The following ARHGEF10L variants were observed in gnomAD, a reference collection of about 807,000 sequenced individuals.
ARHGEF10L encodes Rho guanine nucleotide exchange factor 10 like, also known as rho guanine nucleotide exchange factor 10-like protein.
ARHGEF10L carries 69 observed loss-of-function variants against 141.2 expected under a neutral mutation model. The observed-to-expected ratio is 0.49, with a 90% CI of 0.40 to 0.60. ARHGEF10L has a LOEUF of 0.60. ARHGEF10L is among the 20% of genes least tolerant of loss of function. ARHGEF10L has a pLI of 0.00. For missense variants in ARHGEF10L, 1,482 were observed against 1,734.3 expected, an observed-to-expected ratio of 0.85 and a Z score of 2.58; for synonymous variants, 711 against 718.5, an observed-to-expected ratio of 0.99 and a Z score of 0.17.
chr1:17,677,263 C>T (rs2063781757), intron 26 of ARHGEF10L, among the ~76,000 whole-genome samples: 1 of 152,004 alleles, frequency 6.6e-6, no homozygotes. Flanking sequence ...TAAATGAATC[C>T]AGAGAAACAA....
intron 1 of ARHGEF10L, among the ~76,000 whole-genome samples, chr1:17,547,122 G>GA (rs904965312): frequency 6.6e-6 from 1 of 152,210 alleles, no homozygotes; most frequent in African/African-American, 2.4e-5. Context: ...ATATGCTATG[G>GA]AAAATGGGGA....
intron 25 of ARHGEF10L, among the ~76,000 whole-genome samples, chr1:17,660,207 G>A (rs1192320389): frequency 6.6e-6 from 1 of 152,334 alleles, no homozygotes; most frequent in East Asian, 1.9e-4. Flanking sequence ...GCCACGCCTT[G>A]GGTGGGGATG....
At chr1:17,557,031 C>CT (rs1241534903) in intron 1 of ARHGEF10L, among the ~76,000 whole-genome samples, 1 of 135,756 alleles carries the variant, frequency 7.4e-6, no homozygotes, top group African/African-American at 2.7e-5. Flanking sequence ...GACTCCATCT[C>CT]TTAAAAAAAA....
chr1:17,672,515 G>A (rs2063389259), intron 26 of ARHGEF10L, among the ~76,000 whole-genome samples: 1 of 152,166 alleles, frequency 6.6e-6, no homozygotes. Flanking sequence ...AGAGCATGCA[G>A]GGTCTCGCGT....
Position 17,627,232 on chromosome 1 carries a change from C to A in ARHGEF10L, c.1411-98C>A. ...GCCTCAGGCCGGGCCCTTTGCAGAC[C>A]CAGTGTGTGTAGGGGGTTGCGCAGG... is the stretch of plus-strand genomic sequence containing the variant. On this transcript the variant is annotated intron_variant, in intron 14 of 28. Coordinates refer to ENST00000361221, the MANE Select transcript of ARHGEF10L (RefSeq NM_018125.4). The surrounding 1 kb of genome is among the most constrained non-coding windows in gnomAD (Gnocchi z 4.0). The A allele has an allele frequency of 6.8e-7, 1 of 1,460,768 alleles. No individual in the cohort carries two copies. Among genetic ancestry groups the A allele is most frequent in the South Asian group, 1.3e-5 (1 of 75,226 alleles). The allele number at this position is 1,460,768 out of a possible 1,614,324, so 90.5% of individuals were successfully genotyped here. A position where few individuals can be genotyped will look rare whatever the true frequency, so the allele number is the denominator to read the frequency against.
intron 7 of ARHGEF10L, among the ~76,000 whole-genome samples, chr1:17,612,502 T>C (rs758414170): frequency 6.6e-6 from 1 of 152,306 alleles, no homozygotes; most frequent in African/African-American, 2.4e-5. Flanking sequence ...ATGAGCCTGT[T>C]CGTCTACCCA....
intron 1 of ARHGEF10L, among the ~76,000 whole-genome samples, chr1:17,548,646 CTTTTTTTT>C (rs892480738): frequency 2.3e-5 from 2 of 88,326 alleles, no homozygotes; most frequent in Non-Finnish European, 4.3e-5. Flanking sequence ...CAAAATAATT[CTTTTTTTT>C]TTTTTTTTTT....
intron 1 of ARHGEF10L, among the ~76,000 whole-genome samples, chr1:17,568,711 G>A (rs890154022): frequency 3.3e-5 from 5 of 152,214 alleles, no homozygotes; most frequent in Admixed American, 1.3e-4. Flanking sequence ...CTGGTTCCTC[G>A]TAAGTCGCAC....
intron 1 of ARHGEF10L, among the ~76,000 whole-genome samples, chr1:17,571,580 C>A (rs2078001782): frequency 6.6e-6 from 1 of 152,152 alleles, no homozygotes; most frequent in Admixed American, 6.5e-5. Context: ...GTCACCCCAG[C>A]TGGAGTGCAG....
chr1:17,559,049 T>C (rs926984395), intron 1 of ARHGEF10L, among the ~76,000 whole-genome samples: 1 of 152,056 alleles, frequency 6.6e-6, no homozygotes, highest in African/African-American at 2.4e-5. Flanking sequence ...AGCAGAATGA[T>C]GTGGGGAGAG....
Position 17,656,005 on chromosome 1 carries a change from C to G in ARHGEF10L, c.2608C>G (p.Leu870Val), listed in dbSNP as rs375283102. Residue 870 changes from leucine to valine, a missense_variant, in exon 24 of 29, where the codon CTG (leucine) becomes GTG (valine). By Grantham distance (32) the Leu-to-Val change is conservative. This residue lies in a region of ARHGEF10L where 858 missense variants were observed against 966.3 expected (regional missense o/e 0.89). Transcript: ENST00000361221. The surrounding 1 kb of genome is among the most constrained non-coding windows in gnomAD (Gnocchi z 4.9). ...GCTCTGCATGGAGTATATCCCGGAG[C>G]TGGAGGAGGAGGCGGAGAGCAGAGA... ...PVLCMEYIPE[L>V]EEEAESRDES... The G allele has an allele frequency of 2.5e-6, 4 of 1,572,550 alleles. No individual in the cohort carries two copies. The African/African-American group carries it at 4.0e-5, about 16-fold the overall frequency.
chr1:17,675,621 G>A (rs74491928), intron 26 of ARHGEF10L, among the ~76,000 whole-genome samples: 8,218 of 150,856 alleles, frequency 0.054, 573 homozygotes, highest in African/African-American at 0.15. Context: ...TTGTGTGCAA[G>A]TGTGGGGATA....
chr1:17,687,494 T>TG, intron 26 of ARHGEF10L, 79 bp from the exon 27 acceptor site: 1 of 1,506,008 alleles, frequency 6.6e-7, no homozygotes. Context: ...TGAGAATGGC[T>TG]GGCCCAGGGG....
chr1:17,584,916 T>C (rs757537435), intron 2 of ARHGEF10L, among the ~76,000 whole-genome samples: 1 of 152,118 alleles, frequency 6.6e-6, no homozygotes, highest in Non-Finnish European at 1.5e-5. Context: ...GAAACAGAAG[T>C]GTCAAAACCA....
At chr1:17,516,308 T>C in the ARHGEF10L span, among the ~76,000 whole-genome samples, 4 of 152,258 alleles carry the variant, frequency 2.6e-5, no homozygotes, top group Admixed American at 6.5e-5. Flanking sequence ...TTCCCTAATA[T>C]TCAGCCCCTC....
At chr1:17,523,139 G>A in the ARHGEF10L span, among the ~76,000 whole-genome samples, 273 of 139,086 alleles carry the variant, frequency 2.0e-3, 1 homozygote, top group African/African-American at 6.8e-3. Flanking sequence ...AGACTGGAGT[G>A]TAGTGGTGTG....
rs200250483 is a variant in ARHGEF10L, at chr1:17,656,588, C to T, written c.2740C>T (p.Gln914Ter). 1 of 1,613,168 alleles carries T rather than the reference C, an allele frequency of 6.2e-7. No individual in the cohort carries two copies. The highest frequency in any genetic ancestry group is 2.2e-5 in the East Asian group (1 of 44,842). Residue 914 changes from glutamine to a stop codon, truncating the protein, a stop_gained, in exon 25 of 29, where the codon CAG (glutamine) becomes TAG (stop). Coordinates refer to ENST00000361221, the MANE Select transcript of ARHGEF10L (RefSeq NM_018125.4). LOFTEE classifies it high-confidence loss of function. The surrounding 1 kb of genome is among the most constrained non-coding windows in gnomAD (Gnocchi z 4.9). ...LLYSSVDTGTQCLVSCRSPGL... is the reference protein window; with the variant it reads ...LLYSSVDTGT ...CTACAGCAGTGTGGACACTGGCACC[C>T]AGTGCCTGGTGAGCTGCAGGAGCCC... is the stretch of plus-strand genomic sequence containing the variant.
rs544309232 is a variant in ARHGEF10L at position 17,603,916 on chromosome 1, C to T, written c.433+325C>T. On this transcript the variant is annotated intron_variant, in intron 6 of 28. Transcript: ENST00000361221. This position sits in a 1 kb window ranked among gnomAD's most constrained non-coding sequence, Gnocchi z 4.8. ...GGCTTTCTGGGGCTGTTGGGGAAGACGACAGACTGTTACACTCAAAGGGTG... is the reference window on the plus strand; with the variant it reads ...GGCTTTCTGGGGCTGTTGGGGAAGATGACAGACTGTTACACTCAAAGGGTG... 1.0e-3 allele frequency among the ~76,000 whole-genome samples: 155 copies of T among 152,286 alleles called. 1 individual carries two copies. The highest frequency in any genetic ancestry group is 3.1e-3 in the Admixed American group (47 of 15,302).
intron 6 of ARHGEF10L, among the ~76,000 whole-genome samples, chr1:17,605,445 G>A (rs542804784): frequency 6.6e-6 from 1 of 152,294 alleles, no homozygotes; most frequent in East Asian, 1.9e-4. Context: ...GGAAGCATGA[G>A]GGGACCCTTA....
Sources: gnomAD v4.1 joint callset for allele counts (sites outside exome capture counted in the v4.1 genomes callset) on GRCh38, gnomAD v4.1.1 for gene constraint, gnomAD v4.1.1 regional missense constraint, Gnocchi (gnomAD v3.1) non-coding constraint, MANE v1.5 for transcripts, NCBI Gene and HGNC (gene_info 2026-07-23, HGNC 2026-07-21) for gene names.